MEIS1: variants seen among roughly 807,000 people sequenced by gnomAD.
MEIS1 encodes the protein Meis homeobox 1, also known as homeobox protein Meis1.
MEIS1 carries 5 observed loss-of-function variants against 50.8 expected under a neutral mutation model. That is an observed-to-expected ratio of 0.10 (90% CI 0.05 to 0.21). The LOEUF (loss-of-function observed/expected upper bound fraction) is 0.21, where lower values mean the gene tolerates loss of function less well. MEIS1 is among the 10% of genes least tolerant of loss of function. MEIS1 has a pLI of 1.00. For synonymous variants in MEIS1, 176 were observed against 179.3 expected, an observed-to-expected ratio of 0.98 and a Z score of 0.15; for missense variants, 318 against 517.3, an observed-to-expected ratio of 0.61 and a Z score of 3.74.
At chr2:66,489,705 A>G (rs1490751568) in intron 7 of MEIS1, among the ~76,000 whole-genome samples, 2 of 152,226 alleles carry the variant, frequency 1.3e-5, no homozygotes, top group East Asian at 3.8e-4. Context: ...GATAATATTC[A>G]AGTGCAAAAT....
chr2:66,500,213 G>T (rs941494415), intron 7 of MEIS1, among the ~76,000 whole-genome samples: 1 of 152,036 alleles, frequency 6.6e-6, no homozygotes, highest in Non-Finnish European at 1.5e-5. Flanking sequence ...TAATCTATTG[G>T]TTCTTAAGCT....
intron 7 of MEIS1, among the ~76,000 whole-genome samples, chr2:66,493,312 T>A (rs75695870): frequency 0.016 from 2,395 of 152,276 alleles, 38 homozygotes; most frequent in South Asian, 0.039. Context: ...AACATTTGGA[T>A]AAGGACGCAT....
intron 9 of MEIS1, among the ~76,000 whole-genome samples, chr2:66,556,527 G>A (rs535714017): frequency 2.1e-4 from 32 of 149,452 alleles, no homozygotes; most frequent in African/African-American, 7.2e-4. Flanking sequence ...TGTTGCCTAC[G>A]GATGGAAGTT....
intron 7 of MEIS1, among the ~76,000 whole-genome samples, chr2:66,506,520 C>T (rs566732649): frequency 6.6e-6 from 1 of 152,158 alleles, no homozygotes; most frequent in African/African-American, 2.4e-5. Context: ...GGAAAAACAC[C>T]CAGGAGAGAG....
intron 8 of MEIS1, among the ~76,000 whole-genome samples, chr2:66,531,600 G>A (rs1386515105): frequency 6.6e-6 from 1 of 152,208 alleles, no homozygotes; most frequent in Non-Finnish European, 1.5e-5. Flanking sequence ...GTCTTTGGGA[G>A]TGCCACGTAC....
chr2:66,544,982 C>G (rs1264671543), intron 8 of MEIS1, among the ~76,000 whole-genome samples: 1 of 152,102 alleles, frequency 6.6e-6, no homozygotes, highest in Non-Finnish European at 1.5e-5. Context: ...AATGTGAATT[C>G]CATTTGCTTT....
At chr2:66,524,046 T>C (rs1389522319) in intron 8 of MEIS1, among the ~76,000 whole-genome samples, 3 of 152,248 alleles carry the variant, frequency 2.0e-5, no homozygotes, top group Non-Finnish European at 2.9e-5. Flanking sequence ...GACCAAAATT[T>C]GCTCTTATGA....
At chr2:66,514,277 GT>G (rs1673908409) in intron 8 of MEIS1, among the ~76,000 whole-genome samples, 1 of 152,110 alleles carries the variant, frequency 6.6e-6, no homozygotes. Context: ...TAGTTTTCCT[GT>G]TTTTCTAGGT....
At chr2:66,507,351 A>G (rs566153191) in intron 7 of MEIS1, among the ~76,000 whole-genome samples, 5 of 152,300 alleles carry the variant, frequency 3.3e-5, no homozygotes, top group South Asian at 4.1e-4. Flanking sequence ...GAGTCTCAAT[A>G]CAAAATTGTA....
intron 9 of MEIS1, among the ~76,000 whole-genome samples, chr2:66,550,343 A>G (rs1203804306): frequency 6.6e-6 from 1 of 152,172 alleles, no homozygotes; most frequent in African/African-American, 2.4e-5. Flanking sequence ...GCTGTAGAAA[A>G]TGTCCCTCAA....
intron 9 of MEIS1, among the ~76,000 whole-genome samples, chr2:66,552,850 C>T (rs1442857715): frequency 5.9e-5 from 9 of 152,260 alleles, no homozygotes; most frequent in Middle Eastern, 3.4e-3. Flanking sequence ...TTAAAACATT[C>T]ACAAATTATC....
chr2:66,491,045 A>G (rs1007544979), intron 7 of MEIS1, among the ~76,000 whole-genome samples: 1 of 151,924 alleles, frequency 6.6e-6, no homozygotes, highest in Non-Finnish European at 1.5e-5. Flanking sequence ...ACAACAAGAA[A>G]AAAAAAATGG....
At chr2:66,443,237 G>A (rs561753296) in intron 6 of MEIS1, 189 bp downstream of exon 6, 14 of 588,448 alleles carry the variant, frequency 2.4e-5, no homozygotes, top group Admixed American at 4.2e-5. Flanking sequence ...TCTGGGATTC[G>A]ACCTGAAGAG....
In MEIS1 at chr2:66,554,624, G is replaced by A. The variant is rs139655134; in HGVS notation, c.965+6605G>A. Among the ~76,000 whole-genome samples the A allele has an allele frequency of 5.6e-3, 849 of 152,294 alleles. 9 individuals are homozygous for A. The highest frequency in any genetic ancestry group is 0.02 in the African/African-American group (814 of 41,558). On this transcript the variant is annotated intron_variant, in intron 9 of 12. Transcript: ENST00000272369. ...TGGATTTGGGCGACAGTGTCCTCTG[G>A]TTTAAAATGGACAAGTAGGACGAAT...
chr2:66,502,674 G>A (rs140142184), intron 7 of MEIS1, among the ~76,000 whole-genome samples: 1 of 152,260 alleles, frequency 6.6e-6, no homozygotes, highest in Non-Finnish European at 1.5e-5. Context: ...ACAGTGGGAG[G>A]GCAAGAGCCT....
intron 12 of MEIS1, chr2:66,569,749 C>T (rs1675438117): frequency 6.5e-6 from 1 of 152,722 alleles, no homozygotes; most frequent in Non-Finnish European, 1.5e-5. Flanking sequence ...GAGGTGTGCA[C>T]AGCAGGCTGC....
At chr2:66,468,548 G>C (rs1672693479) in intron 7 of MEIS1, among the ~76,000 whole-genome samples, 1 of 152,180 alleles carries the variant, frequency 6.6e-6, no homozygotes, top group South Asian at 2.1e-4. Context: ...GCGATAAGGA[G>C]ACTTGTCCAA....
chr2:66,555,280 C>CTCTCTCTCTCTCTCCCTCT (rs10695722), intron 9 of MEIS1, among the ~76,000 whole-genome samples: 5 of 133,922 alleles, frequency 3.7e-5, no homozygotes, highest in African/African-American at 1.4e-4. Flanking sequence ...CTCTCTCTCT[C>CTCTCTCTCTCTCTCCCTCT]GTCTCTCTCC....
At chr2:66,457,480 T>C (rs1326347180) in intron 6 of MEIS1, among the ~76,000 whole-genome samples, 2 of 152,200 alleles carry the variant, frequency 1.3e-5, no homozygotes, top group Non-Finnish European at 2.9e-5. Flanking sequence ...TAAATGTGTA[T>C]TGTTTCTCAC....
Sources: gnomAD v4.1 joint callset for allele counts (sites outside exome capture counted in the v4.1 genomes callset) on GRCh38, gnomAD v4.1.1 for gene constraint, MANE v1.5 for transcripts, NCBI Gene and HGNC (gene_info 2026-07-23, HGNC 2026-07-21) for gene names.